The following HACL1 variants were observed in gnomAD, a reference collection of about 807,000 sequenced individuals.
HACL1 encodes the protein 2-hydroxyacyl-CoA lyase 1, also known as 1600020H07Rik.
HACL1 carries 64 observed loss-of-function variants against 74.2 expected under a neutral mutation model. That is an observed-to-expected ratio of 0.86 (90% CI 0.70 to 1.06). The LOEUF is 1.06. Among genes scored for constraint, HACL1 ranks in the 50% least tolerant of loss-of-function variants. The pLI is 0.00. For synonymous variants in HACL1, 230 were observed against 238.8 expected (o/e 0.96, Z 0.34); for missense variants, 728 against 719.7 (o/e 1.01, Z -0.13).
intron 11 of HACL1, 132 bp from the exon 12 acceptor site, chr3:15,571,901 G>A (rs527594320): frequency 1.4e-5 from 7 of 510,138 alleles, no homozygotes; most frequent in South Asian, 7.0e-5. Context: ...GTGCAGTGGC[G>A]CAATCTCAGC....
chr3:15,561,647 C>T (rs1454578446), intron 16 of HACL1, among the ~76,000 whole-genome samples: 1 of 152,060 alleles, frequency 6.6e-6, no homozygotes. Flanking sequence ...TTTGTTAGGG[C>T]TTTTCTGTGA....
rs904476453 is a variant in HACL1 at position 15,596,369 on chromosome 3, C to A, written c.227+15G>T. Reference sequence around the variant, plus strand: ...AAATATTAAAGTAATTGAAGTGAAACAAATTTTAGTTTACCTGCTTGTCAG... The same window carrying A: ...AAATATTAAAGTAATTGAAGTGAAAAAAATTTTAGTTTACCTGCTTGTCAG... On this transcript the variant is annotated intron_variant, in intron 3 of 16. Transcript: ENST00000321169. The A allele has an allele frequency of 1.6e-5, 24 of 1,514,746 alleles. No individual in the cohort carries two copies. In the African/African-American group the frequency reaches 2.5e-4, roughly 16 times the overall value. The allele number at this position is 1,514,746 out of a possible 1,614,324, so 93.8% of individuals were successfully genotyped here.
At chr3:15,589,633 A>G (rs768787504) in intron 4 of HACL1, 21 bp from the exon 5 acceptor site, 2 of 1,481,074 alleles carry the variant, frequency 1.4e-6, no homozygotes. Context: ...CATTTTTTTA[A>G]CAAGATAATT....
intron 14 of HACL1, among the ~76,000 whole-genome samples, chr3:15,567,592 T>C (rs1037461113): frequency 1.3e-5 from 2 of 152,112 alleles, no homozygotes; most frequent in African/African-American, 4.8e-5. Flanking sequence ...CCCAACATTT[T>C]TTTCTCAGTG....
intron 10 of HACL1, 111 bp from the exon 11 acceptor site, chr3:15,573,353 G>C: frequency 1.6e-6 from 1 of 641,496 alleles, no homozygotes; most frequent in Non-Finnish European, 2.8e-6. Context: ...TGATAAAGAA[G>C]ATTTGATATT....
rs958901104 is a variant in HACL1 at position 15,567,196 on chromosome 3, G to A, written c.1409+648C>T. Among the ~76,000 whole-genome samples, 15 of 136,890 alleles carry A rather than the reference G, an allele frequency of 1.1e-4. No individual in the cohort carries two copies. The Admixed American group carries it at 1.1e-3, about 10-fold the overall frequency. 89.8% of individuals were successfully genotyped at this position (136,890 alleles called of 152,430 possible). A position where few individuals can be genotyped will look rare whatever the true frequency, so the allele number is the denominator to read the frequency against. On this transcript the variant is annotated intron_variant, in intron 14 of 16. Transcript: ENST00000321169. ...TAAATCCAGGCCATTTGTCCCACAA[G>A]CCATGCTGCCTTTTTTTTTTTTTTT...
intron 8 of HACL1, 96 bp downstream of exon 8, chr3:15,582,781 C>A: frequency 1.6e-6 from 1 of 610,454 alleles, no homozygotes; most frequent in Non-Finnish European, 2.9e-6. Flanking sequence ...ATTCCAATCT[C>A]AAACATTAGA....
chr3:15,575,085 AT>A lies in HACL1; in HGVS notation c.804-4del. ...TTACATCAGCAAATTGCAAAGCCCT[AT>A]TAAAAAAATTGATATGAAAGTATAA... is the stretch of plus-strand genomic sequence containing the variant. On this transcript the variant is annotated splice_region_variant and splice_polypyrimidine_tract_variant and intron_variant, in intron 9 of 16. Transcript: ENST00000321169. 1 of 1,406,580 alleles carries A rather than the reference AT, an allele frequency of 7.1e-7. No homozygotes were observed. Among genetic ancestry groups the A allele is most frequent in the South Asian group, 1.2e-5 (1 of 84,632 alleles). The allele number at this position is 1,406,580 out of a possible 1,614,324, so 87.1% of individuals were successfully genotyped here.
At chr3:15,567,376 A>AT (rs1021804368) in intron 14 of HACL1, among the ~76,000 whole-genome samples, 177 of 140,252 alleles carry the variant, frequency 1.3e-3, no homozygotes, top group Middle Eastern at 7.6e-3. Flanking sequence ...CGTCTGGCTA[A>AT]TTTTTTTTTT....
At chr3:15,570,696 G>C (rs1451665555) in intron 12 of HACL1, among the ~76,000 whole-genome samples, 2 of 151,812 alleles carry the variant, frequency 1.3e-5, no homozygotes, top group African/African-American at 4.8e-5. Context: ...ACTCATTTTA[G>C]TGCTAGTAGT....
In HACL1 at chr3:15,566,857, C is replaced by T. The variant is rs549086553; in HGVS notation, c.1409+987G>A. 2.7e-4 allele frequency among the ~76,000 whole-genome samples: 35 copies of T among 128,500 alleles called. No homozygotes were observed. The Admixed American group carries it at 3.1e-3, about 11-fold the overall frequency. The allele number at this position is 128,500 out of a possible 152,430, so 84.3% of individuals were successfully genotyped here. A position where few individuals can be genotyped will look rare whatever the true frequency, so the allele number is the denominator to read the frequency against. Reference sequence around the variant, plus strand: ...TTTTTGCGATGGAGTCTTGCTCTGTCGCCCAGGCTAGAGTGCAGTGGTGCG... The same window carrying T: ...TTTTTGCGATGGAGTCTTGCTCTGTTGCCCAGGCTAGAGTGCAGTGGTGCG... On this transcript the variant is annotated intron_variant, in intron 14 of 16. Coordinates refer to ENST00000321169, the MANE Select transcript of HACL1 (RefSeq NM_012260.4).
At chr3:15,569,010 A>G (rs1444728649) in intron 12 of HACL1, among the ~76,000 whole-genome samples, 1 of 152,242 alleles carries the variant, frequency 6.6e-6, no homozygotes, top group Non-Finnish European at 1.5e-5. Context: ...CCCTAAACTT[A>G]AAATGTCACA....
In HACL1 at chr3:15,579,898, A is replaced by G. The variant is rs2063691946; in HGVS notation, c.803+12T>C. ...CCAAGCCATTGTATTTAAAATCTGG[A>G]ATGCCACACACCTGGATCTGGCTGC... is the stretch of plus-strand genomic sequence containing the variant. On this transcript the variant is annotated intron_variant, in intron 9 of 16. Coordinates refer to ENST00000321169, the MANE Select transcript of HACL1 (RefSeq NM_012260.4). 3 of 1,547,392 alleles carry G rather than the reference A, an allele frequency of 1.9e-6. No homozygotes were observed. Among genetic ancestry groups the G allele is most frequent in the Non-Finnish European group, 2.6e-6 (3 of 1,146,710 alleles).
At chr3:15,581,477 A>G (rs60807351) in intron 8 of HACL1, among the ~76,000 whole-genome samples, 4,683 of 152,264 alleles carry the variant, frequency 0.031, 218 homozygotes, top group African/African-American at 0.1. Flanking sequence ...CCCTTCTCAT[A>G]CATGTATGAT....
At chr3:15,561,786 T>C (rs555069065) in intron 16 of HACL1, among the ~76,000 whole-genome samples, 1 of 152,296 alleles carries the variant, frequency 6.6e-6, no homozygotes, top group South Asian at 2.1e-4. Flanking sequence ...GTTCAAGTGA[T>C]TCTCGTGCCT....
At chr3:15,576,699 T>C (rs2063632789) in intron 9 of HACL1, among the ~76,000 whole-genome samples, 1 of 152,202 alleles carries the variant, frequency 6.6e-6, no homozygotes, top group African/African-American at 2.4e-5. Context: ...GGGTTTTGTT[T>C]TGTTTTTCAC....
In HACL1 at chr3:15,582,889, T is replaced by C. The variant is rs1409289378; in HGVS notation, c.655A>G (p.Ile219Val). The stretch of plus-strand genomic sequence containing the variant: ...CTATTCATGCTACCTTTCCCGATGA[T>C]AAGAAGGGGTTGTTTGGCATTCCTA... ...VIRNAKQPLL[I>V]IGKGAAYAHA... is the part of the protein sequence containing the mutation. Residue 219 changes from isoleucine to valine, a missense_variant, in exon 8 of 17, where the codon ATC (isoleucine) becomes GTC (valine). Transcript: ENST00000321169. 1 of 1,575,384 alleles carries C rather than the reference T, an allele frequency of 6.3e-7. No individual in the cohort carries two copies. The highest frequency in any genetic ancestry group is 1.7e-5 in the Admixed American group (1 of 59,742).
At chr3:15,567,322 G>T (rs1374851151) in intron 14 of HACL1, among the ~76,000 whole-genome samples, 1 of 144,852 alleles carries the variant, frequency 6.9e-6, no homozygotes, top group Non-Finnish European at 1.5e-5. Context: ...CAACTCTTCT[G>T]CTTCAGCCTC....
intron 12 of HACL1, among the ~76,000 whole-genome samples, chr3:15,569,766 GCCAAGC>G (rs2063494033): frequency 6.6e-6 from 1 of 151,518 alleles, no homozygotes; most frequent in Non-Finnish European, 1.5e-5. Flanking sequence ...GTTGCGGTGA[GCCAAGC>G]TCGTGTCATT....
Sources: gnomAD v4.1 joint callset for allele counts (sites outside exome capture counted in the v4.1 genomes callset) on GRCh38, gnomAD v4.1.1 for gene constraint, MANE v1.5 for transcripts, NCBI Gene and HGNC (gene_info 2026-07-23, HGNC 2026-07-21) for gene names.